The following WASF3 variants were observed in gnomAD, a reference collection of about 807,000 sequenced individuals.
WASF3 encodes WASP family member 3.
A neutral mutation model predicts 46.6 loss-of-function variants in WASF3; 11 were observed. That is an observed-to-expected ratio of 0.24 (90% CI 0.15 to 0.39). The LOEUF (loss-of-function observed/expected upper bound fraction) is 0.39, where lower values mean the gene tolerates loss of function less well. WASF3 is among the 10% of genes least tolerant of loss of function. The probability of loss-of-function intolerance (pLI) is 1.00; values close to 1 mark genes in which losing one functional copy is unlikely to be tolerated. For missense variants in WASF3, 576 were observed against 669.8 expected (o/e 0.86, Z 1.55); for synonymous variants, 242 against 259.7 (o/e 0.93, Z 0.65).
rs1479540230 is a variant in WASF3 at position 26,686,209 on chromosome 13, C to T, written c.*364C>T. The T allele has an allele frequency of 1.1e-5, 2 of 187,336 alleles. No homozygotes were observed. Among genetic ancestry groups the T allele is most frequent in the Admixed American group, 5.5e-5 (1 of 18,304 alleles). 11.6% of individuals were successfully genotyped at this position (187,336 alleles called of 1,614,324 possible). The stretch of plus-strand genomic sequence containing the variant: ...TTTGTGAAGCTGCCTGGTGTTAGGT[C>T]TCTGCAAGACTAATGACTATGTCAG... On this transcript the variant is annotated 3_prime_UTR_variant, in exon 10 of 10. Coordinates refer to ENST00000335327, the MANE Select transcript of WASF3 (RefSeq NM_006646.6).
chr13:26,643,733 G>T (rs1038108804), intron 3 of WASF3, among the ~76,000 whole-genome samples: 3 of 152,202 alleles, frequency 2.0e-5, no homozygotes, highest in Non-Finnish European at 2.9e-5. Flanking sequence ...GACATAAACT[G>T]TCAGAGTTTT....
chr13:26,666,584 C>G (rs1221704431), intron 4 of WASF3, among the ~76,000 whole-genome samples: 2 of 152,066 alleles, frequency 1.3e-5, no homozygotes, highest in East Asian at 3.9e-4. Flanking sequence ...CTAGTCTGTC[C>G]ACCTCAAAAA....
chr13:26,554,469 A>T (rs1346244916), upstream of WASF3, among the ~76,000 whole-genome samples: 1 of 152,176 alleles, frequency 6.6e-6, no homozygotes, highest in Non-Finnish European at 1.5e-5. Flanking sequence ...AAGAACTTTT[A>T]AAAAAGATTT....
chr13:26,558,552 T>A (rs937178153), intron 1 of WASF3, among the ~76,000 whole-genome samples: 1 of 151,576 alleles, frequency 6.6e-6, no homozygotes. Context: ...GGGCAGAAGC[T>A]TCCTCTCAGT....
intron 1 of WASF3, among the ~76,000 whole-genome samples, chr13:26,562,770 C>G (rs1000748067): frequency 6.7e-6 from 1 of 150,218 alleles, no homozygotes; most frequent in Non-Finnish European, 1.5e-5. Context: ...CTGGTTCTTT[C>G]CCAAACTTGA....
rs185492626 is a variant in WASF3, at chr13:26,602,163, C to T, written c.-108-10798C>T. On this transcript the variant is annotated intron_variant, in intron 1 of 9. Transcript: ENST00000335327. ...GTCCAGAGCTTTTCGATGGTAGTTC[C>T]GGGGTGGAACTCAGATCTCTGACCC... 6.6e-5 allele frequency among the ~76,000 whole-genome samples: 10 copies of T among 152,226 alleles called. No homozygotes were observed. The East Asian group carries it at 9.7e-4, about 15-fold the overall frequency.
At chr13:26,583,896 C>G (rs1880055010) in intron 1 of WASF3, among the ~76,000 whole-genome samples, 1 of 152,146 alleles carries the variant, frequency 6.6e-6, no homozygotes, top group Admixed American at 6.6e-5. Context: ...GTTTGCAGTG[C>G]AGAAGCTGAA....
At chr13:26,631,365 G>C (rs976767419) in intron 2 of WASF3, among the ~76,000 whole-genome samples, 12 of 152,306 alleles carry the variant, frequency 7.9e-5, no homozygotes, top group Non-Finnish European at 1.8e-4. Flanking sequence ...ATAAGGAAGG[G>C]ATCCAGTTTT....
chr13:26,595,054 G>A (rs73166062), intron 1 of WASF3, among the ~76,000 whole-genome samples: 4,067 of 152,278 alleles, frequency 0.027, 72 homozygotes, highest in Non-Finnish European at 0.043. Context: ...ATATTTATGT[G>A]TATGTTTGTA....
chr13:26,634,084 G>A lies in WASF3; in HGVS notation c.-10-8177G>A, dbSNP rs190292006. 1.6e-4 allele frequency among the ~76,000 whole-genome samples: 25 copies of A among 152,238 alleles called. No individual in the cohort carries two copies. The East Asian group carries it at 4.8e-3, about 29-fold the overall frequency. Reference sequence around the variant, plus strand: ...CTCGATCTGTCTAATATTGACAGTGGGGTGTTAAAGTCTCCCATTATTATT... The same window carrying A: ...CTCGATCTGTCTAATATTGACAGTGAGGTGTTAAAGTCTCCCATTATTATT... On this transcript the variant is annotated intron_variant, in intron 2 of 9. Coordinates refer to ENST00000335327, the MANE Select transcript of WASF3 (RefSeq NM_006646.6).
chr13:26,547,765 C>T, the WASF3 span, among the ~76,000 whole-genome samples: 1 of 152,158 alleles, frequency 6.6e-6, no homozygotes, highest in South Asian at 2.1e-4. Flanking sequence ...TCCTTGGTGG[C>T]TGAGACTCTT....
At chr13:26,590,901 A>T (rs1416316641) in intron 1 of WASF3, among the ~76,000 whole-genome samples, 3 of 152,194 alleles carry the variant, frequency 2.0e-5, no homozygotes. Context: ...AAGATAATAG[A>T]TGGTAATGGA....
chr13:26,576,961 T>A (rs546260380), intron 1 of WASF3: 4 of 737,922 alleles, frequency 5.4e-6, no homozygotes, highest in Admixed American at 3.9e-5. Context: ...TGATCCATTT[T>A]CTAAGAAAGA....
chr13:26,554,052 CTT>C (rs1879031184), upstream of WASF3, among the ~76,000 whole-genome samples: 1 of 70,166 alleles, frequency 1.4e-5, no homozygotes, highest in African/African-American at 6.2e-5. Context: ...TCCTTCCTTC[CTT>C]CCTTCCTTCC....
intron 1 of WASF3, among the ~76,000 whole-genome samples, chr13:26,586,243 T>G (rs1304617447): frequency 6.6e-6 from 1 of 152,040 alleles, no homozygotes; most frequent in African/African-American, 2.4e-5. Context: ...ATATTTTTTG[T>G]GTTTCTTTTC....
chr13:26,671,772 A>G (rs1882930645), intron 5 of WASF3, 100 bp from the exon 6 acceptor site: 3 of 755,274 alleles, frequency 4.0e-6, no homozygotes, highest in Middle Eastern at 2.5e-4. Context: ...CCCCATGTAG[A>G]TGTTATAATT....
chr13:26,666,541 C>G (rs1002913198), intron 4 of WASF3, among the ~76,000 whole-genome samples: 1 of 152,108 alleles, frequency 6.6e-6, no homozygotes, highest in Non-Finnish European at 1.5e-5. Flanking sequence ...TTCTGAAGCT[C>G]AGCTTCAGTG....
the WASF3 span, among the ~76,000 whole-genome samples, chr13:26,551,705 G>C: frequency 6.6e-6 from 1 of 152,150 alleles, no homozygotes; most frequent in Admixed American, 6.5e-5. Context: ...AGGTGAGGAA[G>C]GGCAGGAGGG....
At position 26,670,507 on chromosome 13, in the gene WASF3, C is replaced by T. The variant is rs558198772; in HGVS notation, c.423-1365C>T. Among the ~76,000 whole-genome samples, 15 of 152,116 alleles carry T rather than the reference C, an allele frequency of 9.9e-5. No homozygotes were observed. In the South Asian group the frequency reaches 1.0e-3, roughly 11 times the overall value. On this transcript the variant is annotated intron_variant, in intron 5 of 9. Coordinates refer to ENST00000335327, the MANE Select transcript of WASF3 (RefSeq NM_006646.6). ...CTTAAAGTATAATAATAAAAAAGAA[C>T]GTATCTGTTTATATTCTTGTCAAGG...
Sources: gnomAD v4.1 joint callset for allele counts (sites outside exome capture counted in the v4.1 genomes callset) on GRCh38, gnomAD v4.1.1 for gene constraint, MANE v1.5 for transcripts, NCBI Gene and HGNC (gene_info 2026-07-23, HGNC 2026-07-21) for gene names.